AIDA: variants seen among roughly 807,000 people sequenced by gnomAD.
AIDA encodes the protein axin interactor, dorsalization associated.
A neutral mutation model predicts 42.7 loss-of-function variants in AIDA; 18 were observed. That is an observed-to-expected ratio of 0.42 (90% CI 0.29 to 0.63). AIDA has a LOEUF of 0.63. Ranked by LOEUF, AIDA falls within the 20% of genes least tolerant of loss-of-function variation. The pLI is 0.19. For missense variants in AIDA, 250 were observed against 354.1 expected (o/e 0.71, Z 2.36); for synonymous variants, 104 against 122.9 (o/e 0.85, Z 1.02).
intron 4 of AIDA, among the ~76,000 whole-genome samples, chr1:222,690,088 C>T (rs764224588): frequency 6.6e-6 from 1 of 152,116 alleles, no homozygotes; most frequent in Non-Finnish European, 1.5e-5. Flanking sequence ...TAGGCTATAC[C>T]ATATAGGCTA....
Position 222,686,980 on chromosome 1 carries a change from T to A in AIDA, c.410A>T (p.Glu137Val). ...AGGAGACCCTGCTCCAGCACCACCC[T>A]CTTCTTCATCTTCTTCAAATTCCAA... Reference protein sequence around the residue: ...ENLEFEEDEEEGGAGAGSPDS... With the variant: ...ENLEFEEDEEVGGAGAGSPDS... Residue 137 changes from glutamate (E) to valine (V), a missense_variant, in exon 6 of 10, where the codon GAG (glutamate) becomes GTG (valine). This residue lies in a region of AIDA where 199 missense variants were observed against 232.6 expected (regional missense o/e 0.86). Transcript: ENST00000340020. 1 of 1,613,562 alleles carries A rather than the reference T, an allele frequency of 6.2e-7. No individual in the cohort carries two copies. Among genetic ancestry groups the A allele is most frequent in the South Asian group, 1.1e-5 (1 of 91,006 alleles).
intron 6 of AIDA, among the ~76,000 whole-genome samples, chr1:222,686,192 T>C (rs1436375321): frequency 6.6e-6 from 1 of 152,150 alleles, no homozygotes; most frequent in East Asian, 1.9e-4. Context: ...AAAGAAGTAC[T>C]TATGACAGTC....
intron 1 of AIDA, among the ~76,000 whole-genome samples, 160 bp from the exon 2 acceptor site, chr1:222,703,377 CTCTT>C (rs1655761860): frequency 6.6e-6 from 1 of 150,386 alleles, no homozygotes; most frequent in Non-Finnish European, 1.5e-5. Context: ...AAAAAAAAAA[CTCTT>C]TATACAATGA....
intron 6 of AIDA, among the ~76,000 whole-genome samples, chr1:222,680,621 C>G (rs955776546): frequency 6.6e-6 from 1 of 152,192 alleles, no homozygotes; most frequent in African/African-American, 2.4e-5. Context: ...TGGATAATTT[C>G]CAAGTTGCCT....
intron 4 of AIDA, among the ~76,000 whole-genome samples, chr1:222,689,048 T>G (rs1646978860): frequency 6.6e-6 from 1 of 151,168 alleles, no homozygotes; most frequent in African/African-American, 2.4e-5. Context: ...TAAGCTAATG[T>G]GTGTGTGTGT....
At chr1:222,699,755 C>A (rs1332843570) in intron 2 of AIDA, among the ~76,000 whole-genome samples, 1 of 151,756 alleles carries the variant, frequency 6.6e-6, no homozygotes, top group African/African-American at 2.4e-5. Flanking sequence ...GTTTTGCTTG[C>A]ATTTTTAAAG....
chr1:222,680,768 CT>C (rs572066795), intron 6 of AIDA, among the ~76,000 whole-genome samples: 2,129 of 146,538 alleles, frequency 0.015, 61 homozygotes, highest in African/African-American at 0.049. Flanking sequence ...TAGAGTAAAG[CT>C]TTTTTTTTTT....
At chr1:222,710,295 A>C (rs868642160) in intron 1 of AIDA, among the ~76,000 whole-genome samples, 52 of 152,212 alleles carry the variant, frequency 3.4e-4, no homozygotes, top group African/African-American at 1.1e-3. Flanking sequence ...CAGTTTTTAT[A>C]ATTTGAGGAC....
Position 222,694,253 on chromosome 1 carries a change from C to T in AIDA, c.191G>A (p.Gly64Asp). The T allele has an allele frequency of 1.9e-6, 3 of 1,611,524 alleles. 1 individual carries two copies. The highest frequency in any genetic ancestry group is 2.5e-6 in the Non-Finnish European group (3 of 1,179,036). The change falls in exon 3 of 10, where the codon GGC becomes GAC. Residue 64 changes from glycine (G) to aspartate (D), a missense_variant. Physicochemically the swap from Gly to Asp is moderately conservative, Grantham distance 94. Transcript: ENST00000340020. ...EFTEEQKKTI[G>D]KIATCLELRS... Reference sequence around the variant, plus strand: ...CAATTCCAAGCATGTTGCAATTTTGCCTATGGTTTTCTGCAGGGGAATAAA... The same window carrying T: ...CAATTCCAAGCATGTTGCAATTTTGTCTATGGTTTTCTGCAGGGGAATAAA...
At chr1:222,700,048 G>T (rs569246980) in intron 2 of AIDA, among the ~76,000 whole-genome samples, 1 of 152,076 alleles carries the variant, frequency 6.6e-6, no homozygotes, top group Non-Finnish European at 1.5e-5. Flanking sequence ...GTGAGCCACC[G>T]CGTCCGGCTA....
intron 4 of AIDA, among the ~76,000 whole-genome samples, chr1:222,688,006 T>G (rs926878773): frequency 1.3e-5 from 2 of 152,026 alleles, no homozygotes; most frequent in East Asian, 3.9e-4. Flanking sequence ...TATAGTACTT[T>G]AATTAAAAGA....
intron 7 of AIDA, among the ~76,000 whole-genome samples, chr1:222,674,388 AG>A (rs776732852): frequency 4.6e-5 from 7 of 152,282 alleles, no homozygotes; most frequent in Non-Finnish European, 7.3e-5. Flanking sequence ...TTTCCTTAGG[AG>A]ATAGGCCACT....
At chr1:222,686,863 G>T in intron 6 of AIDA, 67 bp downstream of exon 6, 1 of 1,543,434 alleles carries the variant, frequency 6.5e-7, no homozygotes, top group South Asian at 1.2e-5. Context: ...AAATACCAAA[G>T]AAAGTTTCAA....
intron 8 of AIDA, among the ~76,000 whole-genome samples, chr1:222,671,210 A>G (rs1019952657): frequency 6.6e-6 from 1 of 152,170 alleles, no homozygotes; most frequent in Non-Finnish European, 1.5e-5. Context: ...CCTGTGTGAC[A>G]AAGTGAGACT....
chr1:222,684,507 A>G (rs1270693458), intron 6 of AIDA, among the ~76,000 whole-genome samples: 1 of 152,200 alleles, frequency 6.6e-6, no homozygotes, highest in Non-Finnish European at 1.5e-5. Flanking sequence ...TCTATAATTA[A>G]AAGTTAAGTA....
chr1:222,711,907 G>T, intron 1 of AIDA: 1 of 309,814 alleles, frequency 3.2e-6, no homozygotes, highest in Non-Finnish European at 6.1e-6. Flanking sequence ...CGAGACGGTG[G>T]AAAGGAACTA....
chr1:222,687,884 G>T (rs1174198427), intron 4 of AIDA, among the ~76,000 whole-genome samples: 1 of 152,098 alleles, frequency 6.6e-6, no homozygotes, highest in African/African-American at 2.4e-5. Context: ...AGTAATGTCA[G>T]ATCTCCAAGA....
At chr1:222,709,842 T>C (rs1655945670) in intron 1 of AIDA, among the ~76,000 whole-genome samples, 1 of 152,238 alleles carries the variant, frequency 6.6e-6, no homozygotes. Context: ...CAAATTTTAT[T>C]CATCTTTGTA....
chr1:222,677,899 G>A (rs987739172), intron 6 of AIDA, among the ~76,000 whole-genome samples: 17 of 152,048 alleles, frequency 1.1e-4, no homozygotes, highest in Non-Finnish European at 5.9e-5. Flanking sequence ...AGAACCTGGT[G>A]TATATGTAAG....
Sources: gnomAD v4.1 joint callset for allele counts (sites outside exome capture counted in the v4.1 genomes callset) on GRCh38, gnomAD v4.1.1 for gene constraint, gnomAD v4.1.1 regional missense constraint, MANE v1.5 for transcripts, NCBI Gene and HGNC (gene_info 2026-07-23, HGNC 2026-07-21) for gene names.